The following PFKFB2 variants were observed in gnomAD, a reference collection of about 807,000 sequenced individuals.
PFKFB2 encodes the protein 6-phosphofructo-2-kinase/fructose-2,6-bisphosphatase 2.
PFKFB2 carries 53 observed loss-of-function variants against 68.0 expected under a neutral mutation model. That is an observed-to-expected ratio of 0.78 (90% CI 0.63 to 0.98). PFKFB2 has a LOEUF of 0.98. Among genes scored for constraint, PFKFB2 ranks in the 50% least tolerant of loss-of-function variants. PFKFB2 has a pLI of 0.00. For synonymous variants in PFKFB2, 222 were observed against 227.6 expected (o/e 0.98, Z 0.22); for missense variants, 451 against 642.0 (o/e 0.70, Z 3.22).
intron 1 of PFKFB2, among the ~76,000 whole-genome samples, chr1:207,036,837 C>T (rs543635020): frequency 6.6e-6 from 1 of 152,304 alleles, no homozygotes; most frequent in South Asian, 2.1e-4. Flanking sequence ...AAATAATTCC[C>T]ATCAGCTTTT....
Position 207,072,758 on chromosome 1 carries a change from A to C in PFKFB2, c.*387A>C. ...ATGTTGGTGAAGTGTTGGGGGATGG[A>C]GGGCGGGTGAGCAGTCGGGGGACAA... On this transcript the variant is annotated 3_prime_UTR_variant, in exon 15 of 15. Coordinates refer to ENST00000367080, the MANE Select transcript of PFKFB2 (RefSeq NM_006212.2). The C allele has an allele frequency of 9.9e-7, 1 of 1,012,530 alleles. No individual in the cohort carries two copies. Among genetic ancestry groups the C allele is most frequent in the South Asian group, 4.5e-5 (1 of 22,398 alleles). 62.7% of individuals were successfully genotyped at this position (1,012,530 alleles called of 1,614,324 possible).
Position 207,077,468 on chromosome 1 carries a change from G to A in PFKFB2, c.*5097G>A, listed in dbSNP as rs1341103913. 1.0e-6 allele frequency: 1 copy of A among 985,242 alleles called. No individual in the cohort carries two copies. Among genetic ancestry groups the A allele is most frequent in the Non-Finnish European group, 1.2e-6 (1 of 829,796 alleles). The allele number at this position is 985,242 out of a possible 1,614,324, so 61.0% of individuals were successfully genotyped here. A position where few individuals can be genotyped will look rare whatever the true frequency, so the allele number is the denominator to read the frequency against. The stretch of plus-strand genomic sequence containing the variant: ...TTTTATTATATTGACCTAACAAGAA[G>A]ATCAACTTATGCTGGTATGGTGATG... On this transcript the variant is annotated 3_prime_UTR_variant, in exon 15 of 15. Transcript: ENST00000367080.
chr1:207,053,215 C>G (rs992897013), upstream of PFKFB2: 38 of 152,312 alleles, frequency 2.5e-4, no homozygotes, highest in African/African-American at 8.4e-4. Flanking sequence ...CAGGTGAGGA[C>G]CTACGCGCGA....
chr1:207,049,409 C>T (rs1034752363), upstream of PFKFB2: 2 of 1,614,022 alleles, frequency 1.2e-6, no homozygotes, highest in Non-Finnish European at 1.7e-6. Context: ...ATTGCTCCTC[C>T]CCAAGTGTCA....
chr1:207,057,947 T>C (rs565360771), intron 2 of PFKFB2, among the ~76,000 whole-genome samples: 1 of 152,208 alleles, frequency 6.6e-6, no homozygotes, highest in Non-Finnish European at 1.5e-5. Context: ...CACGTACACC[T>C]TTGCACATTT....
At chr1:207,054,659 T>A (rs1291713062) in intron 1 of PFKFB2, 42 bp from the exon 2 acceptor site, 2 of 1,381,230 alleles carry the variant, frequency 1.4e-6, no homozygotes, top group African/African-American at 1.4e-5. Flanking sequence ...TATGTCTTCT[T>A]TCTTCCCCTT....
At chr1:207,066,444 A>T (rs1683290568) in intron 8 of PFKFB2, among the ~76,000 whole-genome samples, 1 of 152,214 alleles carries the variant, frequency 6.6e-6, no homozygotes, top group Non-Finnish European at 1.5e-5. Context: ...GGTTTCCCAG[A>T]ATCCCCTTAA....
chr1:207,036,110 G>T (rs1200254391), intron 1 of PFKFB2, among the ~76,000 whole-genome samples: 2 of 152,084 alleles, frequency 1.3e-5, no homozygotes, highest in Admixed American at 6.5e-5. Context: ...TGAGGGATCT[G>T]CCCCCATGAC....
intron 2 of PFKFB2, among the ~76,000 whole-genome samples, chr1:207,043,456 T>C (rs914120353): frequency 1.3e-5 from 2 of 152,208 alleles, no homozygotes; most frequent in African/African-American, 2.4e-5. Flanking sequence ...TTCAAATACA[T>C]GTTTAAATGT....
At chr1:207,054,876 T>C (rs542317996) in intron 2 of PFKFB2, 74 bp downstream of exon 2, 2 of 1,033,026 alleles carry the variant, frequency 1.9e-6, no homozygotes, top group Admixed American at 2.1e-5. Context: ...AATCCTGGAC[T>C]CTGCTGCTTG....
chr1:207,056,665 C>CT (rs1682931134), intron 2 of PFKFB2, among the ~76,000 whole-genome samples: 1 of 151,872 alleles, frequency 6.6e-6, no homozygotes, highest in Non-Finnish European at 1.5e-5. Flanking sequence ...GCTCTAATCT[C>CT]TTTTTTTCCA....
At chr1:207,057,903 A>G (rs1682977730) in intron 2 of PFKFB2, among the ~76,000 whole-genome samples, 1 of 152,186 alleles carries the variant, frequency 6.6e-6, no homozygotes, top group Admixed American at 6.5e-5. Flanking sequence ...CCAGTTTTTC[A>G]TCATCACAAA....
At chr1:207,048,929 T>G (rs779254163), upstream of PFKFB2, 1 of 1,187,082 alleles carries the variant, frequency 8.4e-7, no homozygotes, top group East Asian at 2.3e-5. Context: ...CATTGTATCC[T>G]TTGTTCTTTA....
downstream of PFKFB2, chr1:207,079,305 C>T (rs1270618045): frequency 2.5e-5 from 13 of 512,352 alleles, no homozygotes; most frequent in Non-Finnish European, 4.6e-5. Flanking sequence ...TGGTCAATCT[C>T]ATTCTGTATA....
intron 2 of PFKFB2, among the ~76,000 whole-genome samples, chr1:207,060,078 A>C (rs1381041195): frequency 6.6e-6 from 1 of 152,098 alleles, no homozygotes; most frequent in African/African-American, 2.4e-5. Context: ...TGGCCCCGGG[A>C]CAGTGGCTGG....
At chr1:207,071,403 G>A (rs1241280943) in intron 13 of PFKFB2, 106 bp from the exon 14 acceptor site, 1 of 1,040,552 alleles carries the variant, frequency 9.6e-7, no homozygotes, top group African/African-American at 1.6e-5. Context: ...GCATGACTGT[G>A]TGTATTGCAG....
intron 2 of PFKFB2, chr1:207,047,236 TTTAAG>T (rs902018947): frequency 3.3e-5 from 5 of 152,514 alleles, no homozygotes; most frequent in Admixed American, 1.3e-4. Context: ...ACTAAACACT[TTTAAG>T]TTATGCTGAC....
intron 8 of PFKFB2, 130 bp from the exon 9 acceptor site, chr1:207,067,369 G>A (rs541061388): frequency 3.8e-4 from 246 of 640,852 alleles, no homozygotes; most frequent in Middle Eastern, 1.3e-3. Flanking sequence ...TTCCATAAAC[G>A]TGGGTGTGAC....
chr1:207,072,579 A>C lies in PFKFB2; in HGVS notation c.*208A>C. The C allele has an allele frequency of 7.5e-7, 1 of 1,330,880 alleles. No homozygotes were observed. The allele number at this position is 1,330,880 out of a possible 1,614,324, so 82.4% of individuals were successfully genotyped here. ...GTTCTTCAGTTTGAAACATCTTTTC[A>C]CCCAGGGGCAAGTTAGCAAATTGAG... On this transcript the variant is annotated 3_prime_UTR_variant, in exon 15 of 15. Coordinates refer to ENST00000367080, the MANE Select transcript of PFKFB2 (RefSeq NM_006212.2).
Sources: allele counts gnomAD v4.1 joint callset (sites outside exome capture counted in the v4.1 genomes callset), GRCh38; gene constraint gnomAD v4.1.1; transcripts MANE v1.5; gene names NCBI Gene and HGNC (gene_info 2026-07-23, HGNC 2026-07-21).